The following DNAJC6 variants were observed in gnomAD, a reference collection of about 807,000 sequenced individuals.
DNAJC6 encodes the protein auxilin.
Under a neutral mutation model 110.0 loss-of-function variants are expected in DNAJC6, and 34 were observed. The observed-to-expected ratio is 0.31, with a 90% confidence interval of 0.24 to 0.41. The LOEUF is 0.41. DNAJC6 is among the 10% of genes least tolerant of loss of function. DNAJC6 has a pLI of 1.00. For missense variants in DNAJC6, 1,031 were observed against 1,207.8 expected (o/e 0.85, Z 2.17); for synonymous variants, 406 against 437.2 (o/e 0.93, Z 0.89).
At chr1:65,409,497 A>T (rs376813202) in intron 17 of DNAJC6, among the ~76,000 whole-genome samples, 10 of 152,340 alleles carry the variant, frequency 6.6e-5, no homozygotes, top group African/African-American at 2.4e-4. Context: ...TGGCATTCAC[A>T]TTCTAAAGAT....
chr1:65,376,932 G>A (rs1645772163), intron 4 of DNAJC6, among the ~76,000 whole-genome samples: 2 of 152,078 alleles, frequency 1.3e-5, no homozygotes, highest in South Asian at 4.1e-4. Context: ...ACCATGCCCA[G>A]CTAATTTTTT....
At chr1:65,341,052 T>C (rs1037032180) in intron 1 of DNAJC6, among the ~76,000 whole-genome samples, 1 of 152,202 alleles carries the variant, frequency 6.6e-6, no homozygotes, top group African/African-American at 2.4e-5. Flanking sequence ...GCAACCTCTC[T>C]GAGCCTCATT....
chr1:65,339,197 A>AG (rs1645365875), intron 1 of DNAJC6, among the ~76,000 whole-genome samples: 1 of 152,152 alleles, frequency 6.6e-6, no homozygotes, highest in Admixed American at 6.5e-5. Context: ...GAAAAAAAAA[A>AG]TGAGGTGGAT....
chr1:65,285,817 C>T (rs1181317862), intron 1 of DNAJC6, among the ~76,000 whole-genome samples: 1 of 151,902 alleles, frequency 6.6e-6, no homozygotes, highest in Non-Finnish European at 1.5e-5. Flanking sequence ...CAGTTACAGG[C>T]ATGTACCACC....
In DNAJC6 at chr1:65,394,934, C is replaced by T. The variant is rs1029059826; in HGVS notation, c.1940C>T (p.Pro647Leu). ...TFDPFGAPSK[P>L]SGQDLLGSFL... Reference sequence around the variant, plus strand: ...GACCCATTTGGAGCACCTTCTAAACCATCAGGTCAGGATTTGCTGGGTTCT... The same window carrying T: ...GACCCATTTGGAGCACCTTCTAAACTATCAGGTCAGGATTTGCTGGGTTCT... The change falls in exon 13 of 19, where the codon CCA becomes CTA. Residue 647 changes from proline (P) to leucine (L), a missense_variant. Physicochemically the swap from Pro to Leu is moderately conservative, Grantham distance 98 (BLOSUM62 -3). Transcript: ENST00000371069. The T allele has an allele frequency of 1.9e-5, 31 of 1,609,638 alleles. No homozygotes were observed. The highest frequency in any genetic ancestry group is 2.6e-5 in the Non-Finnish European group (31 of 1,178,560).
chr1:65,342,976 A>G (rs1267831041), intron 1 of DNAJC6, among the ~76,000 whole-genome samples: 1 of 152,170 alleles, frequency 6.6e-6, no homozygotes, highest in East Asian at 1.9e-4. Flanking sequence ...GCTTTCAACA[A>G]AAGCATCCCC....
chr1:65,298,214 C>T (rs904423750), intron 1 of DNAJC6, among the ~76,000 whole-genome samples: 1 of 152,214 alleles, frequency 6.6e-6, no homozygotes, highest in Middle Eastern at 3.4e-3. Flanking sequence ...TGGATGATTA[C>T]GTTACTTCCA....
chr1:65,302,875 T>C (rs771905969), intron 1 of DNAJC6, among the ~76,000 whole-genome samples: 8 of 152,178 alleles, frequency 5.3e-5, no homozygotes, highest in Non-Finnish European at 8.8e-5. Context: ...TCCTGCCTTC[T>C]ATCATGGGAT....
intron 13 of DNAJC6, among the ~76,000 whole-genome samples, chr1:65,397,658 A>G (rs1379785695): frequency 6.6e-6 from 1 of 152,134 alleles, no homozygotes; most frequent in Non-Finnish European, 1.5e-5. Flanking sequence ...TCTTAATTGG[A>G]TGTAAGACTA....
chr1:65,373,348 G>C (rs1645726822), intron 4 of DNAJC6, among the ~76,000 whole-genome samples: 1 of 152,066 alleles, frequency 6.6e-6, no homozygotes, highest in Admixed American at 6.5e-5. Flanking sequence ...GGGTCATATG[G>C]AACCTTCATA....
intron 1 of DNAJC6, among the ~76,000 whole-genome samples, chr1:65,351,937 T>G (rs1645493826): frequency 6.6e-6 from 1 of 152,066 alleles, no homozygotes; most frequent in South Asian, 2.1e-4. Flanking sequence ...GCTAATTTTT[T>G]GTGTTTTTAG....
Position 65,309,547 on chromosome 1 carries a change from C to G in DNAJC6, c.-199C>G, listed in dbSNP as rs889806990. On this transcript the variant is annotated 5_prime_UTR_variant, in exon 1 of 19. Transcript: ENST00000371069. ...CCTCCCTCCTCCCGGCGCCCCGAGCCGAGCTCAGCCCAGGGCGGCGGCTTC... is the reference window on the plus strand; with the variant it reads ...CCTCCCTCCTCCCGGCGCCCCGAGCGGAGCTCAGCCCAGGGCGGCGGCTTC... 2.2e-5 allele frequency: 27 copies of G among 1,225,000 alleles called. No homozygotes were observed. Among genetic ancestry groups the G allele is most frequent in the South Asian group, 2.4e-5 (1 of 41,504 alleles). 75.9% of individuals were successfully genotyped at this position (1,225,000 alleles called of 1,614,324 possible).
intron 1 of DNAJC6, among the ~76,000 whole-genome samples, chr1:65,324,261 C>T (rs539992040): frequency 6.6e-6 from 1 of 152,144 alleles, no homozygotes; most frequent in African/African-American, 2.4e-5. Flanking sequence ...ACTGCAGCCT[C>T]TACTTCCCAA....
intron 1 of DNAJC6, among the ~76,000 whole-genome samples, chr1:65,335,776 G>A (rs1570292900): frequency 6.6e-6 from 1 of 152,242 alleles, no homozygotes; most frequent in East Asian, 1.9e-4. Flanking sequence ...CGCGAGCTTT[G>A]ATTTTTATTC....
At chr1:65,382,180 T>C (rs535470655) in intron 5 of DNAJC6, among the ~76,000 whole-genome samples, 8 of 152,292 alleles carry the variant, frequency 5.3e-5, no homozygotes, top group African/African-American at 1.9e-4. Flanking sequence ...TCTCCATTGG[T>C]TTGTTATGAG....
At chr1:65,366,716 C>G (rs1398515124) in intron 4 of DNAJC6, among the ~76,000 whole-genome samples, 1 of 152,072 alleles carries the variant, frequency 6.6e-6, no homozygotes, top group Non-Finnish European at 1.5e-5. Context: ...AATCTGATAT[C>G]GAGCCTGATA....
chr1:65,270,179 CTTAA>C (rs1487329966), intron 1 of DNAJC6, among the ~76,000 whole-genome samples: 1 of 152,110 alleles, frequency 6.6e-6, no homozygotes, highest in Non-Finnish European at 1.5e-5. Flanking sequence ...TAGCTACCTA[CTTAA>C]TTATGTTTTC....
At chr1:65,300,062 AAG>A (rs1553135503) in intron 1 of DNAJC6, among the ~76,000 whole-genome samples, 1 of 151,360 alleles carries the variant, frequency 6.6e-6, no homozygotes, top group African/African-American at 2.4e-5. Context: ...AAAAAAAAAA[AAG>A]AAAAAAAGTC....
chr1:65,269,291 C>A (rs1007901007), intron 1 of DNAJC6, among the ~76,000 whole-genome samples: 3 of 151,634 alleles, frequency 2.0e-5, no homozygotes, highest in Admixed American at 2.0e-4. Flanking sequence ...TCGCTTGAAC[C>A]TGGGAGGCGG....
Sources: gnomAD v4.1 joint callset for allele counts (sites outside exome capture counted in the v4.1 genomes callset) on GRCh38, gnomAD v4.1.1 for gene constraint, MANE v1.5 for transcripts, NCBI Gene and HGNC (gene_info 2026-07-23, HGNC 2026-07-21) for gene names.